Variants in ADGRV1 observed in about 807,000 individuals in gnomAD.
ADGRV1 encodes the protein adhesion G protein-coupled receptor V1.
A neutral mutation model predicts 596.2 loss-of-function variants in ADGRV1; 359 were observed. The ratio of observed to expected loss-of-function variants is 0.60; its 90% CI spans 0.55 to 0.66. The LOEUF (loss-of-function observed/expected upper bound fraction) is 0.66. Among genes scored for constraint, ADGRV1 ranks in the 30% least tolerant of loss-of-function variants. The probability of loss-of-function intolerance (pLI) is 0.00; values close to 1 mark genes in which losing one functional copy is unlikely to be tolerated. For missense variants in ADGRV1, 7,274 were observed against 7,575.6 expected (o/e 0.96, Z 1.48); for synonymous variants, 2,681 against 2,679.2 (o/e 1.00, Z -0.02).
intron 85 of ADGRV1, among the ~76,000 whole-genome samples, chr5:91,030,568 T>C (rs1201910265): frequency 5.0e-5 from 1 of 19,884 alleles, no homozygotes; most frequent in Non-Finnish European, 1.3e-4. Context: ...TTGAGAGTTC[T>C]TTTTATGTTT....
chr5:90,613,805 C>CT (rs530335306), intron 1 of ADGRV1, among the ~76,000 whole-genome samples: 171 of 152,176 alleles, frequency 1.1e-3, no homozygotes, highest in African/African-American at 3.7e-3. Context: ...TTTGGCGTGT[C>CT]TAAGTATAAA....
Position 90,625,224 on chromosome 5 carries a change from T to C in ADGRV1, c.653T>C (p.Leu218Ser). The C allele has an allele frequency of 6.2e-7, 1 of 1,611,448 alleles. No individual in the cohort carries two copies. The highest frequency in any genetic ancestry group is 8.5e-7 in the Non-Finnish European group (1 of 1,177,784). The change falls in exon 6 of 90, where the codon TTG becomes TCG. Residue 218 changes from leucine (L) to serine (S), a missense_variant. Physicochemically the swap from Leu to Ser is moderately radical, Grantham distance 145 (BLOSUM62 -2). Around this residue, in one of 5 missense-constraint regions of ADGRV1, gnomAD observed 1,715 missense variants for 1,708.8 expected, o/e 1.00. Transcript: ENST00000405460. ...GGCAGAGCAACAGTAATTTATAACT[T>C]GACAGTACTCGATGACGAGGTTGGC... ...PPGRATVIYN[L>S]TVLDDEVPEN...
chr5:91,058,168 T>G (rs1787067793), intron 85 of ADGRV1, among the ~76,000 whole-genome samples: 1 of 152,184 alleles, frequency 6.6e-6, no homozygotes, highest in Admixed American at 6.5e-5. Context: ...AACAGTCAGG[T>G]GCTGGGCAGG....
chr5:90,801,595 A>G (rs1460827883), intron 70 of ADGRV1, among the ~76,000 whole-genome samples: 1 of 152,088 alleles, frequency 6.6e-6, no homozygotes, highest in Non-Finnish European at 1.5e-5. Context: ...GAATGAATAA[A>G]ACACCTGTTA....
At position 90,807,721 on chromosome 5, in the gene ADGRV1, G is replaced by T; in HGVS notation, c.14956G>T (p.Gly4986Cys). The change falls in exon 73 of 90, where the codon GGC becomes TGC. Residue 4986 changes from glycine (G) to cysteine (C), a missense_variant. Physicochemically the swap from Gly to Cys is radical, Grantham distance 159. Around this residue, in one of 5 missense-constraint regions of ADGRV1, gnomAD observed 1,874 missense variants for 1,970.2 expected, o/e 0.95. Transcript: ENST00000405460. The stretch of plus-strand genomic sequence containing the variant: ...ATCAGGAGTGCAGAGCAGTGCTCCT[G>T]GCGGAGCTCAACTCCGGTAAGACCA... ...HLSGVQSSAP[G>C]GAQLRSGFIV... is the part of the protein sequence containing the mutation. The T allele has an allele frequency of 6.4e-7, 1 of 1,560,608 alleles. No individual in the cohort carries two copies. Among genetic ancestry groups the T allele is most frequent in the Non-Finnish European group, 8.7e-7 (1 of 1,146,984 alleles).
chr5:91,010,506 A>G (rs1267510752), intron 85 of ADGRV1, among the ~76,000 whole-genome samples: 1 of 152,102 alleles, frequency 6.6e-6, no homozygotes, highest in Non-Finnish European at 1.5e-5. Flanking sequence ...GTTCTCATTT[A>G]TTTAGATGAA....
chr5:91,094,478 G>A (rs1193114841), intron 86 of ADGRV1, among the ~76,000 whole-genome samples: 1 of 142,808 alleles, frequency 7.0e-6, no homozygotes, highest in Non-Finnish European at 1.5e-5. Context: ...AAAAAAAAAA[G>A]ATGTTTCTCT....
At chr5:90,709,506 C>G (rs1749055318) in intron 39 of ADGRV1, among the ~76,000 whole-genome samples, 1 of 152,102 alleles carries the variant, frequency 6.6e-6, no homozygotes, top group Non-Finnish European at 1.5e-5. Context: ...TGTCTGAAGC[C>G]TGTAGGTGTG....
chr5:90,746,047 T>C (rs1180797512), intron 52 of ADGRV1, among the ~76,000 whole-genome samples: 1 of 152,128 alleles, frequency 6.6e-6, no homozygotes, highest in African/African-American at 2.4e-5. Flanking sequence ...TTTTATAGGA[T>C]TGACTTTGAA....
chr5:90,559,228 TTTC>T (rs1754491816), intron 1 of ADGRV1, among the ~76,000 whole-genome samples: 1 of 152,172 alleles, frequency 6.6e-6, no homozygotes, highest in South Asian at 2.1e-4. Context: ...AAGAGTTTAT[TTTC>T]TTCTTTTTCT....
chr5:90,796,426 G>GA (rs34623441), intron 70 of ADGRV1, among the ~76,000 whole-genome samples: 152 of 148,186 alleles, frequency 1.0e-3, no homozygotes, highest in African/African-American at 2.5e-3. Flanking sequence ...CGAGATTAGA[G>GA]AAAAAAAAAA....
At chr5:90,908,811 C>T (rs1049509823) in intron 83 of ADGRV1, among the ~76,000 whole-genome samples, 1 of 152,148 alleles carries the variant, frequency 6.6e-6, no homozygotes. Context: ...TGTTTGGAAT[C>T]TCTTTGGAGG....
At chr5:90,827,691 A>G (rs765456405) in intron 76 of ADGRV1, among the ~76,000 whole-genome samples, 5 of 152,206 alleles carry the variant, frequency 3.3e-5, no homozygotes, top group Admixed American at 6.5e-5. Flanking sequence ...AAGTGGACAC[A>G]GTACAATTAT....
intron 85 of ADGRV1, among the ~76,000 whole-genome samples, chr5:91,052,519 C>A (rs1483532561): frequency 6.6e-6 from 1 of 151,788 alleles, no homozygotes; most frequent in Non-Finnish European, 1.5e-5. Context: ...ACTGCAGCCT[C>A]CACCTCCCGG....
intron 86 of ADGRV1, among the ~76,000 whole-genome samples, chr5:91,095,118 T>C (rs2886924): frequency 0.26 from 39,754 of 152,074 alleles, 7,433 homozygotes; most frequent in African/African-American, 0.52. Flanking sequence ...AAATTAGATC[T>C]GAGTATAGAA....
chr5:90,652,868 AG>A (rs1433689504), intron 19 of ADGRV1, among the ~76,000 whole-genome samples: 1 of 152,198 alleles, frequency 6.6e-6, no homozygotes, highest in Admixed American at 6.5e-5. Flanking sequence ...GGAAGGTAGG[AG>A]GTAAGGATTC....
intron 1 of ADGRV1, among the ~76,000 whole-genome samples, chr5:90,584,910 A>G (rs979784299): frequency 6.6e-6 from 1 of 152,212 alleles, no homozygotes; most frequent in African/African-American, 2.4e-5. Context: ...TTGGTTCCAT[A>G]TTATAAAACC....
intron 85 of ADGRV1, among the ~76,000 whole-genome samples, chr5:91,051,977 A>C (rs182838322): frequency 1.3e-5 from 2 of 152,312 alleles, no homozygotes; most frequent in African/African-American, 4.8e-5. Flanking sequence ...ATTTTAGCTA[A>C]CCATAGACTG....
chr5:90,799,777 A>G (rs1761153367), intron 70 of ADGRV1, among the ~76,000 whole-genome samples: 1 of 152,160 alleles, frequency 6.6e-6, no homozygotes, highest in African/African-American at 2.4e-5. Context: ...TACACCACAC[A>G]TCTACAACCA....
Sources: allele counts gnomAD v4.1 joint callset (sites outside exome capture counted in the v4.1 genomes callset), GRCh38; gene constraint gnomAD v4.1.1; regional missense constraint gnomAD v4.1.1; transcripts MANE v1.5; gene names NCBI Gene and HGNC (gene_info 2026-07-23, HGNC 2026-07-21).